Variants in VMP1 observed in about 807,000 individuals in gnomAD.
VMP1 encodes the protein vacuole membrane protein 1, also known as ectopic P-granules autophagy protein 3 homolog.
In VMP1, 11 loss-of-function variants were observed where a neutral mutation model predicts 56.0. That is an observed-to-expected ratio of 0.20 (90% CI 0.12 to 0.32). The LOEUF is 0.32. Among genes scored for constraint, VMP1 ranks in the 10% least tolerant of loss-of-function variants. The pLI is 1.00. For missense variants in VMP1, 296 were observed against 490.3 expected (o/e 0.60, Z 3.74); for synonymous variants, 149 against 165.0 (o/e 0.90, Z 0.74).
intron 7 of VMP1, among the ~76,000 whole-genome samples, chr17:59,792,035 A>T (rs2037249653): frequency 6.6e-6 from 1 of 152,124 alleles, no homozygotes; most frequent in African/African-American, 2.4e-5. Context: ...ATTTTGGGAT[A>T]CTGAGGTAGG....
chr17:59,715,866 G>C (rs1294075170), intron 1 of VMP1, among the ~76,000 whole-genome samples: 1 of 152,068 alleles, frequency 6.6e-6, no homozygotes, highest in Non-Finnish European at 1.5e-5. Context: ...TTTATCCTGT[G>C]ACCTTGCTAA....
intron 6 of VMP1, among the ~76,000 whole-genome samples, chr17:59,772,437 C>G (rs1035196232): frequency 6.6e-6 from 1 of 152,040 alleles, no homozygotes; most frequent in Non-Finnish European, 1.5e-5. Flanking sequence ...AACCATAAGA[C>G]AGAGCAAACT....
chr17:59,753,364 A>G (rs1000773359), intron 5 of VMP1, among the ~76,000 whole-genome samples: 2 of 152,222 alleles, frequency 1.3e-5, no homozygotes, highest in African/African-American at 4.8e-5. Flanking sequence ...CCACTAATAG[A>G]AATATGATTC....
At chr17:59,757,859 C>CCTT (rs776520537) in intron 5 of VMP1, among the ~76,000 whole-genome samples, 9 of 91,248 alleles carry the variant, frequency 9.9e-5, no homozygotes, top group African/African-American at 2.9e-4. Context: ...TTATTTGCCA[C>CCTT]TTTTTTTTTT....
At chr17:59,792,442 T>G (rs571599345) in intron 7 of VMP1, among the ~76,000 whole-genome samples, 8 of 152,348 alleles carry the variant, frequency 5.3e-5, no homozygotes, top group Admixed American at 1.3e-4. Flanking sequence ...TAGCTTTGCT[T>G]GCTTAAGTCA....
intron 10 of VMP1, among the ~76,000 whole-genome samples, chr17:59,822,192 A>G (rs1386698651): frequency 6.6e-6 from 1 of 152,080 alleles, no homozygotes; most frequent in Middle Eastern, 3.2e-3. Context: ...GACTCAGCAG[A>G]TGCTAGTAAA....
intron 5 of VMP1, among the ~76,000 whole-genome samples, chr17:59,754,923 A>C (rs1182377170): frequency 6.6e-6 from 1 of 151,692 alleles, no homozygotes; most frequent in Non-Finnish European, 1.5e-5. Context: ...AAGCCAAGAA[A>C]ATTTAGTTTA....
chr17:59,813,846 T>C (rs59685433), intron 9 of VMP1, among the ~76,000 whole-genome samples: 19,466 of 152,178 alleles, frequency 0.13, 1,490 homozygotes, highest in Middle Eastern at 0.22. Context: ...CTATAAATTA[T>C]AGTAAAACGT....
chr17:59,715,661 CATTT>C (rs2034125033), intron 1 of VMP1, among the ~76,000 whole-genome samples: 1 of 152,158 alleles, frequency 6.6e-6, no homozygotes, highest in African/African-American at 2.4e-5. Flanking sequence ...ACATGCTAAT[CATTT>C]ATTTAGGCTC....
chr17:59,832,573 AT>A (rs2038846355), intron 10 of VMP1, among the ~76,000 whole-genome samples: 1 of 146,134 alleles, frequency 6.8e-6, no homozygotes, highest in African/African-American at 2.5e-5. Flanking sequence ...AATTGTAGTT[AT>A]TTGTTTTGTT....
intron 6 of VMP1, among the ~76,000 whole-genome samples, chr17:59,767,113 A>T (rs1228948261): frequency 1.3e-5 from 2 of 150,116 alleles, no homozygotes; most frequent in Admixed American, 6.6e-5. Flanking sequence ...GATTTCTTTT[A>T]CCATTTGAGG....
chr17:59,791,522 C>T (rs1424571816), intron 7 of VMP1, among the ~76,000 whole-genome samples: 10 of 129,150 alleles, frequency 7.7e-5, no homozygotes, highest in African/African-American at 2.7e-4. Context: ...GACAGAGTCT[C>T]ACTCTGTCAC....
chr17:59,748,494 C>T (rs1172927301), intron 5 of VMP1, among the ~76,000 whole-genome samples: 1 of 152,084 alleles, frequency 6.6e-6, no homozygotes, highest in African/African-American at 2.4e-5. Context: ...TGGCAAATTT[C>T]TTAACTTTTA....
chr17:59,795,416 C>T (rs550362006), intron 7 of VMP1, among the ~76,000 whole-genome samples: 6 of 148,382 alleles, frequency 4.0e-5, no homozygotes, highest in East Asian at 3.9e-4. Context: ...TGTGCCTGGC[C>T]GATAATTTTT....
At chr17:59,758,320 T>C (rs1266473095) in intron 5 of VMP1, among the ~76,000 whole-genome samples, 1 of 152,214 alleles carries the variant, frequency 6.6e-6, no homozygotes, top group Non-Finnish European at 1.5e-5. Context: ...TTCTATGTTA[T>C]TCAAATCTTC....
At chr17:59,826,068 A>G (rs2038636776) in intron 10 of VMP1, among the ~76,000 whole-genome samples, 1 of 152,228 alleles carries the variant, frequency 6.6e-6, no homozygotes, top group Non-Finnish European at 1.5e-5. Context: ...TTATCTGATG[A>G]AAGGATAGAA....
At chr17:59,753,113 GA>G (rs1451872196) in intron 5 of VMP1, among the ~76,000 whole-genome samples, 1 of 151,936 alleles carries the variant, frequency 6.6e-6, no homozygotes, top group East Asian at 1.9e-4. Flanking sequence ...CCGTCTCTAC[GA>G]AAAAAATTTT....
At chr17:59,790,422 G>T (rs1277933362) in intron 7 of VMP1, among the ~76,000 whole-genome samples, 1 of 152,126 alleles carries the variant, frequency 6.6e-6, no homozygotes, top group African/African-American at 2.4e-5. Flanking sequence ...ACTACTTGTA[G>T]TAAAGACTCA....
At chr17:59,802,356 T>C (rs1469726323) in intron 7 of VMP1, among the ~76,000 whole-genome samples, 1 of 151,286 alleles carries the variant, frequency 6.6e-6, no homozygotes, top group African/African-American at 2.4e-5. Context: ...AAGTGTGTAG[T>C]AGGCTATATA....
Sources: allele counts gnomAD v4.1 joint callset (sites outside exome capture counted in the v4.1 genomes callset), GRCh38; gene constraint gnomAD v4.1.1; transcripts MANE v1.5; gene names NCBI Gene and HGNC (gene_info 2026-07-23, HGNC 2026-07-21).